The following WDTC1 variants were observed in gnomAD, a reference collection of about 807,000 sequenced individuals.
The protein encoded by WDTC1 is WD and tetratricopeptide repeats protein 1.
Under a neutral mutation model 76.0 loss-of-function variants are expected in WDTC1, and 12 were observed. The ratio of observed to expected loss-of-function variants is 0.16; its 90% confidence interval spans 0.10 to 0.26. The LOEUF (loss-of-function observed/expected upper bound fraction) is 0.26, where lower values mean the gene tolerates loss of function less well. Ranked by LOEUF, WDTC1 falls within the 10% of genes least tolerant of loss-of-function variation. The probability of loss-of-function intolerance (pLI) is 1.00; values close to 1 mark genes in which losing one functional copy is unlikely to be tolerated. For synonymous variants in WDTC1, 326 were observed against 350.8 expected (o/e 0.93, Z 0.79); for missense variants, 511 against 908.8 (o/e 0.56, Z 5.63).
chr1:27,260,861 C>T (rs2012455556), intron 1 of WDTC1, 95 bp from the exon 2 acceptor site: 3 of 630,868 alleles, frequency 4.8e-6, no homozygotes, highest in South Asian at 4.1e-5. Context: ...CAGGCAAGGG[C>T]CACTTCACTG....
chr1:27,304,965 C>A, intron 14 of WDTC1, 36 bp from the exon 15 acceptor site: 1 of 1,589,008 alleles, frequency 6.3e-7, no homozygotes, highest in Non-Finnish European at 8.6e-7. Flanking sequence ...AGGGCAGTAC[C>A]CCACCTGACC....
At chr1:27,263,130 C>T (rs2012535763) in intron 2 of WDTC1, 22 bp from the exon 3 acceptor site, 20 of 1,612,102 alleles carry the variant, frequency 1.2e-5, no homozygotes, top group Non-Finnish European at 1.5e-5. Context: ...AATGAAATCA[C>T]GAATTTGTTT....
intron 1 of WDTC1, among the ~76,000 whole-genome samples, chr1:27,237,436 C>T (rs1040482517): frequency 2.0e-5 from 3 of 152,166 alleles, no homozygotes; most frequent in African/African-American, 7.2e-5. Flanking sequence ...CCTCACCTTT[C>T]CAGATGCTCC....
chr1:27,243,249 C>T (rs4481875), intron 1 of WDTC1, among the ~76,000 whole-genome samples: 123,182 of 143,192 alleles, frequency 0.86, 54,509 homozygotes, highest in East Asian at 0.98. Flanking sequence ...CTCTGTCACC[C>T]AGGCTGAAGT....
At chr1:27,266,332 A>G (rs557590891) in intron 3 of WDTC1, among the ~76,000 whole-genome samples, 1 of 152,316 alleles carries the variant, frequency 6.6e-6, no homozygotes, top group South Asian at 2.1e-4. Context: ...TAACTCTCAA[A>G]AAGCCATCTG....
rs777149064 is a variant in WDTC1 at position 27,301,187 on chromosome 1, G to T, written c.1233-39G>T. 6.3e-7 allele frequency: 1 copy of T among 1,596,976 alleles called. No homozygotes were observed. Among genetic ancestry groups the T allele is most frequent in the Non-Finnish European group, 8.6e-7 (1 of 1,167,816 alleles). On this transcript the variant is annotated intron_variant, in intron 12 of 15. Coordinates refer to ENST00000319394, the MANE Select transcript of WDTC1 (RefSeq NM_001276252.2). This position sits in a 1 kb window ranked among gnomAD's most constrained non-coding sequence, Gnocchi z 5.8. ...TGAATGGGGACCCCTTGCTTGCCAC[G>T]TGGCTCCACCTCCAAGCCGCTCTTC...
chr1:27,277,195 A>G (rs1172108900), intron 3 of WDTC1, among the ~76,000 whole-genome samples: 2 of 152,006 alleles, frequency 1.3e-5, no homozygotes, highest in African/African-American at 2.4e-5. Context: ...ACCATGCCCA[A>G]CTAAACTTTT....
intron 6 of WDTC1, 126 bp downstream of exon 6, chr1:27,287,987 G>GT (rs2013392539): frequency 8.3e-7 from 1 of 1,211,334 alleles, no homozygotes; most frequent in Admixed American, 2.6e-5. Context: ...GCCCAGGGCA[G>GT]TTGTCTGTGT....
chr1:27,293,537 C>G (rs1407017473), intron 7 of WDTC1, among the ~76,000 whole-genome samples: 1 of 151,254 alleles, frequency 6.6e-6, no homozygotes, highest in Admixed American at 6.6e-5. Context: ...ATATAAATCT[C>G]TTATAGTGTC....
intron 9 of WDTC1, among the ~76,000 whole-genome samples, chr1:27,295,252 A>G (rs2013652170): frequency 6.6e-6 from 1 of 152,216 alleles, no homozygotes; most frequent in Non-Finnish European, 1.5e-5. Context: ...GATGGGAGAC[A>G]TGACAAACGA....
intron 5 of WDTC1, among the ~76,000 whole-genome samples, chr1:27,284,392 A>G (rs2013272154): frequency 1.3e-5 from 2 of 152,224 alleles, no homozygotes; most frequent in African/African-American, 4.8e-5. Flanking sequence ...AACCCTCACT[A>G]TTCTAAGAAA....
intron 12 of WDTC1, among the ~76,000 whole-genome samples, chr1:27,298,672 A>T (rs1004923086): frequency 6.6e-6 from 1 of 152,166 alleles, no homozygotes; most frequent in Non-Finnish European, 1.5e-5. Context: ...ACCATATCTG[A>T]AAGAACTCCT....
At chr1:27,239,253 C>G (rs372148198) in intron 1 of WDTC1, among the ~76,000 whole-genome samples, 1 of 148,960 alleles carries the variant, frequency 6.7e-6, no homozygotes, top group Non-Finnish European at 1.5e-5. Context: ...CACGGTGGCT[C>G]ACACCTGTAA....
intron 1 of WDTC1, among the ~76,000 whole-genome samples, chr1:27,238,313 A>G (rs2011535216): frequency 6.6e-6 from 1 of 152,268 alleles, no homozygotes; most frequent in African/African-American, 2.4e-5. Context: ...AGGAAACTGG[A>G]TGTTCTCTGT....
chr1:27,269,839 T>C (rs1440791775), intron 3 of WDTC1, among the ~76,000 whole-genome samples: 4 of 151,996 alleles, frequency 2.6e-5, no homozygotes, highest in African/African-American at 9.7e-5. Context: ...CTTGAACGCC[T>C]GACCTTGTGA....
intron 1 of WDTC1, among the ~76,000 whole-genome samples, chr1:27,260,037 A>G (rs1025045452): frequency 6.6e-6 from 1 of 152,076 alleles, no homozygotes; most frequent in African/African-American, 2.4e-5. Context: ...ACCCTGTCTC[A>G]GGAAAAAAAG....
At chr1:27,292,464 C>T (rs1443598608) in intron 7 of WDTC1, 67 bp downstream of exon 7, 2 of 1,397,110 alleles carry the variant, frequency 1.4e-6, no homozygotes, top group Admixed American at 2.4e-5. Flanking sequence ...CCCTTTCCCT[C>T]ACTGCCATTG....
chr1:27,293,902 G>T, intron 7 of WDTC1, 120 bp from the exon 8 acceptor site: 1 of 893,260 alleles, frequency 1.1e-6, no homozygotes, highest in Middle Eastern at 2.3e-4. Context: ...CTTAGGTAAG[G>T]AGGAAAAATA....
intron 4 of WDTC1, among the ~76,000 whole-genome samples, chr1:27,282,489 A>G (rs1399672028): frequency 6.6e-6 from 1 of 152,078 alleles, no homozygotes; most frequent in East Asian, 1.9e-4. Flanking sequence ...TGACCATCCA[A>G]ACCCTGTTTT....
Sources: gnomAD v4.1 joint callset for allele counts (sites outside exome capture counted in the v4.1 genomes callset) on GRCh38, gnomAD v4.1.1 for gene constraint, Gnocchi (gnomAD v3.1) non-coding constraint, MANE v1.5 for transcripts, NCBI Gene and HGNC (gene_info 2026-07-23, HGNC 2026-07-21) for gene names.